LRP1B: variants seen among roughly 807,000 people sequenced by gnomAD.
The protein encoded by LRP1B is low-density lipoprotein receptor-related protein 1B.
A neutral mutation model predicts 556.6 loss-of-function variants in LRP1B; 217 were observed. The observed-to-expected ratio is 0.39, with a 90% CI of 0.35 to 0.44. The LOEUF is 0.44. Ranked by LOEUF, LRP1B falls within the 20% of genes least tolerant of loss-of-function variation. LRP1B has a pLI of 1.00. For missense variants in LRP1B, 5,053 were observed against 5,620.8 expected (o/e 0.90, Z 3.23); for synonymous variants, 2,047 against 1,865.8 (o/e 1.10, Z -2.50).
chr2:141,288,285 TA>T (rs34928729), intron 3 of LRP1B, among the ~76,000 whole-genome samples: 194 of 146,210 alleles, frequency 1.3e-3, no homozygotes, highest in African/African-American at 1.7e-3. Context: ...TTATGGAAAC[TA>T]AAAAAAAAAA....
chr2:141,201,031 A>T (rs1681992056), intron 6 of LRP1B, among the ~76,000 whole-genome samples: 1 of 152,178 alleles, frequency 6.6e-6, no homozygotes, highest in African/African-American at 2.4e-5. Flanking sequence ...CAAATATAAT[A>T]AGTCACTTTA....
chr2:141,990,520 T>C (rs950173459), intron 1 of LRP1B, among the ~76,000 whole-genome samples: 14 of 152,050 alleles, frequency 9.2e-5, no homozygotes, highest in Admixed American at 6.6e-5. Context: ...CAAGTTTTTT[T>C]ACAACATATA....
chr2:141,794,750 T>C (rs544189434), intron 2 of LRP1B, among the ~76,000 whole-genome samples: 1 of 152,112 alleles, frequency 6.6e-6, no homozygotes, highest in South Asian at 2.1e-4. Flanking sequence ...GTCTTATAGT[T>C]CCACAGTACC....
intron 27 of LRP1B, among the ~76,000 whole-genome samples, 175 bp from the exon 28 acceptor site, chr2:140,851,958 TA>T (rs533556413): frequency 1.6e-3 from 241 of 152,260 alleles, no homozygotes; most frequent in African/African-American, 5.5e-3. Flanking sequence ...ATTACATTAA[TA>T]AAAAAACATT....
intron 43 of LRP1B, among the ~76,000 whole-genome samples, chr2:140,584,721 C>A (rs1442802175): frequency 2.0e-5 from 3 of 152,070 alleles, no homozygotes; most frequent in Non-Finnish European, 4.4e-5. Context: ...CCAAGCTGAA[C>A]CATCACTGAA....
intron 83 of LRP1B, among the ~76,000 whole-genome samples, chr2:140,303,825 A>G (rs771968935): frequency 6.0e-5 from 9 of 150,568 alleles, no homozygotes; most frequent in African/African-American, 9.8e-5. Flanking sequence ...CCACCCAATG[A>G]CAGGCCCCAG....
At chr2:140,719,127 A>G (rs572214094) in intron 35 of LRP1B, among the ~76,000 whole-genome samples, 6 of 152,138 alleles carry the variant, frequency 3.9e-5, no homozygotes, top group African/African-American at 1.4e-4. Flanking sequence ...TTGCTGTTTT[A>G]TCCCTGGTTA....
At chr2:141,355,219 CTAA>C (rs748529987) in intron 3 of LRP1B, among the ~76,000 whole-genome samples, 3 of 152,024 alleles carry the variant, frequency 2.0e-5, no homozygotes, top group African/African-American at 4.8e-5. Context: ...TCTATATGAA[CTAA>C]TGTCTTTTCT....
At chr2:140,963,129 A>C (rs564241926) in intron 18 of LRP1B, among the ~76,000 whole-genome samples, 22 of 152,294 alleles carry the variant, frequency 1.4e-4, no homozygotes, top group African/African-American at 5.3e-4. Flanking sequence ...TTAAAACCCC[A>C]ACTTGGCATG....
At chr2:140,429,759 T>C (rs916451235) in intron 66 of LRP1B, among the ~76,000 whole-genome samples, 2 of 152,154 alleles carry the variant, frequency 1.3e-5, no homozygotes, top group Admixed American at 1.3e-4. Flanking sequence ...CCTTACTGTT[T>C]TAGGCTGCCC....
intron 3 of LRP1B, among the ~76,000 whole-genome samples, chr2:141,443,475 T>A (rs1681063863): frequency 6.6e-6 from 1 of 152,214 alleles, no homozygotes. Context: ...TTGCCATTGC[T>A]TTTGGTGTTT....
chr2:140,514,824 C>G (rs749497405), intron 50 of LRP1B, 52 bp from the exon 51 acceptor site: 7 of 1,478,818 alleles, frequency 4.7e-6, no homozygotes, highest in Non-Finnish European at 6.4e-6. Context: ...CGTCTTACAA[C>G]AGATCCGACA....
At chr2:140,704,559 G>A (rs556549656) in intron 37 of LRP1B, among the ~76,000 whole-genome samples, 12 of 152,160 alleles carry the variant, frequency 7.9e-5, no homozygotes, top group South Asian at 2.1e-4. Context: ...CTTTATTAAC[G>A]TCAAGATTTT....
chr2:141,354,086 G>T (rs1384212080), intron 3 of LRP1B, among the ~76,000 whole-genome samples: 2 of 151,828 alleles, frequency 1.3e-5, no homozygotes, highest in Non-Finnish European at 1.5e-5. Context: ...GAAGACTGAG[G>T]ATCAAAAACC....
intron 3 of LRP1B, among the ~76,000 whole-genome samples, chr2:141,303,263 A>G (rs1686462633): frequency 6.6e-6 from 1 of 152,102 alleles, no homozygotes; most frequent in Non-Finnish European, 1.5e-5. Flanking sequence ...TTGAGTACCT[A>G]TCATTTCTAT....
chr2:141,881,867 T>C (rs183949519), intron 1 of LRP1B, among the ~76,000 whole-genome samples: 76 of 152,244 alleles, frequency 5.0e-4, no homozygotes, highest in African/African-American at 1.6e-3. Flanking sequence ...AAAAGGTTAA[T>C]GTAATAAAGA....
intron 1 of LRP1B, among the ~76,000 whole-genome samples, chr2:141,899,235 G>A (rs1345592202): frequency 6.6e-6 from 1 of 152,046 alleles, no homozygotes; most frequent in Non-Finnish European, 1.5e-5. Context: ...TACGCTGATG[G>A]AATCTGCTAG....
chr2:140,919,210 C>G (rs181878997), intron 21 of LRP1B, among the ~76,000 whole-genome samples: 32 of 152,182 alleles, frequency 2.1e-4, no homozygotes, highest in Admixed American at 2.0e-4. Flanking sequence ...TCCTCTCTGA[C>G]TTTATGAGTT....
chr2:140,844,581 A>G (rs1034824841), intron 29 of LRP1B, among the ~76,000 whole-genome samples: 2 of 152,012 alleles, frequency 1.3e-5, no homozygotes, highest in African/African-American at 4.8e-5. Flanking sequence ...TTTCTTTTTG[A>G]TAAAATATTG....
Sources: gnomAD v4.1 joint callset for allele counts (sites outside exome capture counted in the v4.1 genomes callset) on GRCh38, gnomAD v4.1.1 for gene constraint, MANE v1.5 for transcripts, NCBI Gene and HGNC (gene_info 2026-07-23, HGNC 2026-07-21) for gene names.